Variants in USP48 observed in about 807,000 individuals in gnomAD.
USP48 encodes ubiquitin carboxyl-terminal hydrolase 48.
USP48 carries 43 observed loss-of-function variants against 150.7 expected under a neutral mutation model. The observed-to-expected ratio is 0.29, with a 90% confidence interval of 0.22 to 0.37. The LOEUF (loss-of-function observed/expected upper bound fraction) is 0.37, where lower values mean the gene tolerates loss of function less well. USP48 is among the 10% of genes least tolerant of loss of function. The pLI is 1.00. For synonymous variants in USP48, 396 were observed against 425.9 expected, an observed-to-expected ratio of 0.93 and a Z score of 0.86; for missense variants, 813 against 1,249.6, an observed-to-expected ratio of 0.65 and a Z score of 5.27.
At chr1:21,715,150 T>C (rs1224087901) in intron 15 of USP48, 5 of 440,938 alleles carry the variant, frequency 1.1e-5, no homozygotes, top group Non-Finnish European at 2.1e-5. Flanking sequence ...GTGTTTAACT[T>C]GGACAATGAC....
intron 18 of USP48, 138 bp from the exon 19 acceptor site, chr1:21,705,975 TTTAA>T: frequency 1.0e-6 from 1 of 952,684 alleles, no homozygotes; most frequent in Non-Finnish European, 1.4e-6. Flanking sequence ...GGCTTATTCA[TTTAA>T]TTAATAGAAA....
chr1:21,736,265 C>A (rs1287583670), intron 9 of USP48, among the ~76,000 whole-genome samples, 181 bp downstream of exon 9: 1 of 152,054 alleles, frequency 6.6e-6, no homozygotes. Flanking sequence ...GAGTAAGAAC[C>A]GGACTCGAAA....
rs1468738204 is a variant in USP48, at chr1:21,678,480, A to C, written c.*937T>G. 4 of 152,180 alleles carry C rather than the reference A, an allele frequency of 2.6e-5. No individual in the cohort carries two copies. Among genetic ancestry groups the C allele is most frequent in the Non-Finnish European group, 5.9e-5 (4 of 68,026 alleles). The allele number at this position is 152,180 out of a possible 1,614,324, so 9.4% of individuals were successfully genotyped here. On this transcript the variant is annotated 3_prime_UTR_variant, in exon 27 of 27. Coordinates refer to ENST00000308271, the MANE Select transcript of USP48 (RefSeq NM_032236.8). ...AGACCCTCTCAGGGCATTTTGGAAT[A>C]ATGCTTTCAAAAAGAGAACTGAGGT...
chr1:21,747,378 G>A (rs2097796944), intron 7 of USP48, among the ~76,000 whole-genome samples: 1 of 152,154 alleles, frequency 6.6e-6, no homozygotes, highest in Non-Finnish European at 1.5e-5. Context: ...TTATTTTCCA[G>A]AAGTTTCAAC....
chr1:21,763,806 ACT>A (rs1350468608), intron 1 of USP48, among the ~76,000 whole-genome samples: 1 of 150,416 alleles, frequency 6.6e-6, no homozygotes, highest in African/African-American at 2.4e-5. Context: ...CTAGAGAGAA[ACT>A]CTGTTTCAAG....
Position 21,783,097 on chromosome 1 carries a change from G to A in USP48, c.-140C>T, listed in dbSNP as rs554731959. On this transcript the variant is annotated 5_prime_UTR_variant, in exon 1 of 27. Coordinates refer to ENST00000308271, the MANE Select transcript of USP48 (RefSeq NM_032236.8). ...CAGGCAGCTGGCCAGTCAATCACCT[G>A]TGCGCGCCACTGCCGCCGCGCCCGC... 31 of 1,249,454 alleles carry A rather than the reference G, an allele frequency of 2.5e-5. No individual in the cohort carries two copies. The East Asian group carries it at 5.7e-4, about 23-fold the overall frequency. The allele number at this position is 1,249,454 out of a possible 1,614,324, so 77.4% of individuals were successfully genotyped here. A position where few individuals can be genotyped will look rare whatever the true frequency, so the allele number is the denominator to read the frequency against.
chr1:21,721,979 C>T (rs755687659), intron 12 of USP48, among the ~76,000 whole-genome samples: 11 of 151,934 alleles, frequency 7.2e-5, no homozygotes, highest in Non-Finnish European at 8.8e-5. Context: ...CAATGAGAGA[C>T]AAAATGTTGT....
At chr1:21,746,873 T>A (rs1273143888) in intron 8 of USP48, among the ~76,000 whole-genome samples, 194 bp downstream of exon 8, 3 of 152,230 alleles carry the variant, frequency 2.0e-5, no homozygotes, top group Admixed American at 6.5e-5. Context: ...TCATCTTTGC[T>A]ATATGCTTAC....
Position 21,774,180 on chromosome 1 carries a change from A to AAATAATAATAAT in USP48, c.134+8632_134+8643dup, listed in dbSNP as rs57694769. ...GGTGACAGAGCGAGACTCCGTCTCAAAATAATAATAATAATAATAATAATA... is the reference window on the plus strand; with the variant it reads ...GGTGACAGAGCGAGACTCCGTCTCAAAATAATAATAATAATAATAATAATAATAATAATAATA... On this transcript the variant is annotated intron_variant, in intron 1 of 26. Coordinates refer to ENST00000308271, the MANE Select transcript of USP48 (RefSeq NM_032236.8). Among the ~76,000 whole-genome samples the AAATAATAATAAT allele has an allele frequency of 7.6e-3, 1,072 of 141,170 alleles. 4 individuals carry two copies. The highest frequency in any genetic ancestry group is 9.7e-3 in the African/African-American group (366 of 37,704). 92.6% of individuals were successfully genotyped at this position (141,170 alleles called of 152,430 possible).
intron 10 of USP48, among the ~76,000 whole-genome samples, 179 bp downstream of exon 10, chr1:21,729,525 C>T (rs966970902): frequency 2.4e-4 from 36 of 152,230 alleles, no homozygotes; most frequent in African/African-American, 8.7e-4. Flanking sequence ...AATTGCATTG[C>T]TTTATTTCAG....
At chr1:21,688,015 C>T (rs1444175272) in intron 24 of USP48, among the ~76,000 whole-genome samples, 1 of 152,012 alleles carries the variant, frequency 6.6e-6, no homozygotes, top group African/African-American at 2.4e-5. Flanking sequence ...TTTATCACAC[C>T]AGAACGGGGG....
In USP48 at chr1:21,782,861, G is replaced by T; in HGVS notation, c.97C>A (p.Arg33Ser). 6.4e-7 allele frequency: 1 copy of T among 1,560,812 alleles called. No individual in the cohort carries two copies. Among genetic ancestry groups the T allele is most frequent in the Non-Finnish European group, 8.7e-7 (1 of 1,154,078 alleles). The change falls in exon 1 of 27, where the codon CGC becomes AGC. Residue 33 changes from arginine (R) to serine (S), a missense_variant. By Grantham distance (110) the Arg-to-Ser change is moderately radical. Coordinates refer to ENST00000308271, the MANE Select transcript of USP48 (RefSeq NM_032236.8). ...CGAATGCAGGGCTCCAGCCAGATGC[G>T]GTAAGCGGTCTCGATGTGCTCCTGC... is the stretch of plus-strand genomic sequence containing the variant. ...VSQEHIETAY[R>S]IWLEPCIRGV...
chr1:21,772,458 C>CA (rs2097883845), intron 1 of USP48, among the ~76,000 whole-genome samples: 1 of 151,636 alleles, frequency 6.6e-6, no homozygotes, highest in African/African-American at 2.4e-5. Context: ...CCCGTCTCTA[C>CA]AAAAAATGCA....
intron 1 of USP48, among the ~76,000 whole-genome samples, chr1:21,770,149 C>T (rs1371946107): frequency 6.9e-6 from 1 of 145,084 alleles, no homozygotes; most frequent in African/African-American, 2.5e-5. Flanking sequence ...ATATTGAGAC[C>T]TCGTCCTCCA....
chr1:21,736,072 C>T (rs1222246295), intron 9 of USP48, among the ~76,000 whole-genome samples: 2 of 151,892 alleles, frequency 1.3e-5, no homozygotes, highest in Non-Finnish European at 2.9e-5. Flanking sequence ...AAGACTCTCT[C>T]TTACTGAAAA....
At chr1:21,708,154 C>T (rs748838525) in intron 15 of USP48, among the ~76,000 whole-genome samples, 7 of 151,844 alleles carry the variant, frequency 4.6e-5, no homozygotes, top group Non-Finnish European at 7.4e-5. Context: ...CAGAGAGAGA[C>T]GCCATCTCAA....
chr1:21,731,153 T>C (rs918117339), intron 9 of USP48, among the ~76,000 whole-genome samples: 5 of 152,214 alleles, frequency 3.3e-5, no homozygotes, highest in African/African-American at 1.2e-4. Context: ...TATGTACAGT[T>C]TGAAAAATAA....
Position 21,678,417 on chromosome 1 carries a change from TC to T in USP48, c.*999del, listed in dbSNP as rs1012185265. On this transcript the variant is annotated 3_prime_UTR_variant, in exon 27 of 27. Coordinates refer to ENST00000308271, the MANE Select transcript of USP48 (RefSeq NM_032236.8). ...AATCCTGAGTTGGATGGACAGCACA[TC>T]CATATACTTTTTTCCTTTTTTAAAC... The T allele has an allele frequency of 6.6e-6, 1 of 152,026 alleles. No homozygotes were observed. The highest frequency in any genetic ancestry group is 2.4e-5 in the African/African-American group (1 of 41,360). The allele number at this position is 152,026 out of a possible 1,614,324, so 9.4% of individuals were successfully genotyped here.
chr1:21,723,831 A>T (rs2097728828), intron 12 of USP48, 67 bp downstream of exon 12: 3 of 1,418,660 alleles, frequency 2.1e-6, no homozygotes, highest in Admixed American at 3.6e-5. Context: ...AGCCACACTC[A>T]TAAAGACCAT....
Sources: allele counts gnomAD v4.1 joint callset (sites outside exome capture counted in the v4.1 genomes callset), GRCh38; gene constraint gnomAD v4.1.1; transcripts MANE v1.5; gene names NCBI Gene and HGNC (gene_info 2026-07-23, HGNC 2026-07-21).